The following ZPBP variants were observed in gnomAD, a reference collection of about 807,000 sequenced individuals.
ZPBP encodes zona pellucida-binding protein 1.
A neutral mutation model predicts 44.8 loss-of-function variants in ZPBP; 26 were observed. The ratio of observed to expected loss-of-function variants is 0.58; its 90% CI spans 0.43 to 0.81. The LOEUF (loss-of-function observed/expected upper bound fraction) is 0.81, where lower values mean the gene tolerates loss of function less well. Ranked by LOEUF, ZPBP falls within the 30% of genes least tolerant of loss-of-function variation. The probability of loss-of-function intolerance (pLI) is 0.00; values close to 1 mark genes in which losing one functional copy is unlikely to be tolerated. For missense variants in ZPBP, 409 were observed against 434.0 expected (o/e 0.94, Z 0.51); for synonymous variants, 174 against 153.2 (o/e 1.14, Z -1.00).
rs866153650 is a variant in ZPBP at position 50,081,694 on chromosome 7, A to G, written c.334+80T>C. The G allele has an allele frequency of 3.9e-5, 59 of 1,495,272 alleles. No homozygotes were observed. In the Middle Eastern group the frequency reaches 1.6e-3, roughly 40 times the overall value. 92.6% of individuals were successfully genotyped at this position (1,495,272 alleles called of 1,614,324 possible). On this transcript the variant is annotated intron_variant, in intron 3 of 7. Coordinates refer to ENST00000046087, the MANE Select transcript of ZPBP (RefSeq NM_007009.3). ...AATTGAGGAAATAACATAAATATGTATGAGATACAAACATTCTTTTTGTGT... is the reference window on the plus strand; with the variant it reads ...AATTGAGGAAATAACATAAATATGTGTGAGATACAAACATTCTTTTTGTGT...
intron 4 of ZPBP, among the ~76,000 whole-genome samples, chr7:50,035,068 C>G (rs767270030): frequency 6.6e-5 from 10 of 152,186 alleles, no homozygotes; most frequent in Non-Finnish European, 1.2e-4. Context: ...CCAGCAGGCA[C>G]CAAAGGAATC....
chr7:50,056,940 C>T (rs916506316), intron 4 of ZPBP, among the ~76,000 whole-genome samples: 2 of 152,066 alleles, frequency 1.3e-5, no homozygotes, highest in African/African-American at 4.8e-5. Flanking sequence ...AATCCCAGCA[C>T]TTTGGGAGGC....
At chr7:49,891,205 G>A (rs1173160206) in intron 2 of ZPBP, among the ~76,000 whole-genome samples, 1 of 152,124 alleles carries the variant, frequency 6.6e-6, no homozygotes, top group Admixed American at 6.5e-5. Context: ...AAAAAATGCA[G>A]TTAGCAGAAC....
At chr7:49,945,479 GTC>G (rs1229841655) in intron 7 of ZPBP, among the ~76,000 whole-genome samples, 3 of 152,036 alleles carry the variant, frequency 2.0e-5, no homozygotes, top group South Asian at 4.1e-4. Context: ...TTGTATAGGG[GTC>G]TCTCTCTTTA....
chr7:49,858,009 A>T (rs1790491835), intron 2 of ZPBP, among the ~76,000 whole-genome samples: 1 of 152,174 alleles, frequency 6.6e-6, no homozygotes, highest in Non-Finnish European at 1.5e-5. Context: ...GTTCCCCTGT[A>T]ACCTCGTGTC....
intron 7 of ZPBP, among the ~76,000 whole-genome samples, chr7:49,975,344 C>G (rs1796462826): frequency 6.6e-6 from 1 of 152,168 alleles, no homozygotes; most frequent in Admixed American, 6.5e-5. Context: ...GTTTGGTACA[C>G]TTCCCAGTGC....
intron 4 of ZPBP, among the ~76,000 whole-genome samples, chr7:50,043,287 T>C (rs1373559604): frequency 1.3e-5 from 2 of 152,206 alleles, no homozygotes; most frequent in African/African-American, 4.8e-5. Flanking sequence ...GGCTCTCAGA[T>C]CTGAAGGCTG....
At chr7:49,964,020 T>C (rs1463413752) in intron 7 of ZPBP, among the ~76,000 whole-genome samples, 1 of 151,902 alleles carries the variant, frequency 6.6e-6, no homozygotes, top group East Asian at 1.9e-4. Context: ...TAAGGTTCAA[T>C]GCATATTTTA....
chr7:49,969,820 G>GAGAT (rs1796220091), intron 7 of ZPBP, among the ~76,000 whole-genome samples: 6 of 71,522 alleles, frequency 8.4e-5, no homozygotes, highest in Non-Finnish European at 1.6e-4. Flanking sequence ...TATATATATA[G>GAGAT]AGAGAGAGAG....
intron 1 of ZPBP, chr7:49,912,946 G>A (rs533454383): frequency 6.6e-6 from 1 of 152,032 alleles, no homozygotes; most frequent in African/African-American, 2.4e-5. Context: ...CCTAAACTGA[G>A]GAATAAAGTA....
At chr7:49,894,460 G>A (rs1792281113) in intron 2 of ZPBP, among the ~76,000 whole-genome samples, 1 of 152,208 alleles carries the variant, frequency 6.6e-6, no homozygotes, top group Admixed American at 6.5e-5. Flanking sequence ...TCTTCCTATG[G>A]CTTACCATCC....
chr7:50,057,633 G>A (rs1177940753), intron 4 of ZPBP, among the ~76,000 whole-genome samples: 1 of 152,128 alleles, frequency 6.6e-6, no homozygotes, highest in Non-Finnish European at 1.5e-5. Flanking sequence ...CCTGTTTTGG[G>A]GGATGGCAGT....
At chr7:49,889,630 C>T (rs1266670083) in intron 2 of ZPBP, among the ~76,000 whole-genome samples, 7 of 152,186 alleles carry the variant, frequency 4.6e-5, no homozygotes, top group Admixed American at 3.9e-4. Context: ...AATGGCCATC[C>T]ATGCAGACCC....
At chr7:49,982,355 A>G (rs1227215459) in intron 7 of ZPBP, among the ~76,000 whole-genome samples, 1 of 129,390 alleles carries the variant, frequency 7.7e-6, no homozygotes, top group Non-Finnish European at 1.6e-5. Context: ...ATATATAATT[A>G]TATATAATAT....
intron 6 of ZPBP, among the ~76,000 whole-genome samples, chr7:50,001,239 A>G (rs1327682853): frequency 6.6e-6 from 1 of 152,202 alleles, no homozygotes; most frequent in African/African-American, 2.4e-5. Context: ...AACTTCTGGG[A>G]AGTTCTACAA....
chr7:50,068,640 C>T (rs908697139), intron 3 of ZPBP, among the ~76,000 whole-genome samples: 2 of 152,084 alleles, frequency 1.3e-5, no homozygotes, highest in Non-Finnish European at 2.9e-5. Context: ...GTAAATTAGC[C>T]TTTTTAAAGC....
chr7:49,911,516 G>A (rs930366971), intron 1 of ZPBP, among the ~76,000 whole-genome samples: 1 of 148,306 alleles, frequency 6.7e-6, no homozygotes, highest in African/African-American at 2.5e-5. Context: ...AAATGGCATT[G>A]GTTTCATTTC....
intron 3 of ZPBP, among the ~76,000 whole-genome samples, chr7:50,076,238 C>CA (rs755792138): frequency 2.7e-5 from 4 of 150,616 alleles, no homozygotes; most frequent in Non-Finnish European, 4.4e-5. Context: ...GATAAGAACC[C>CA]AAAAAAAACT....
chr7:50,052,705 C>T (rs1442183253), intron 4 of ZPBP, among the ~76,000 whole-genome samples: 3 of 152,156 alleles, frequency 2.0e-5, no homozygotes, highest in Non-Finnish European at 4.4e-5. Context: ...ACCTAGATAT[C>T]TTTCAATGCA....
Sources: gnomAD v4.1 joint callset for allele counts (sites outside exome capture counted in the v4.1 genomes callset) on GRCh38, gnomAD v4.1.1 for gene constraint, MANE v1.5 for transcripts, NCBI Gene and HGNC (gene_info 2026-07-23, HGNC 2026-07-21) for gene names.